ASIC2: variants seen among roughly 807,000 people sequenced by gnomAD.
The protein encoded by ASIC2 is acid sensing ion channel subunit 2, also known as acid-sensing ion channel 2.
ASIC2 carries 25 observed loss-of-function variants against 57.3 expected under a neutral mutation model. The observed-to-expected ratio is 0.44, with a 90% CI of 0.32 to 0.61. ASIC2 has a LOEUF of 0.61. Among genes scored for constraint, ASIC2 ranks in the 20% least tolerant of loss-of-function variants. ASIC2 has a pLI of 0.06. For synonymous variants in ASIC2, 319 were observed against 307.5 expected, an observed-to-expected ratio of 1.04 and a Z score of -0.39; for missense variants, 641 against 738.1, an observed-to-expected ratio of 0.87 and a Z score of 1.52.
chr17:34,000,466 T>A (rs1288181111), intron 1 of ASIC2, among the ~76,000 whole-genome samples: 1 of 152,136 alleles, frequency 6.6e-6, no homozygotes, highest in Non-Finnish European at 1.5e-5. Flanking sequence ...TTGGTCAGGC[T>A]GATCTCGAAC....
At chr17:33,187,650 A>G (rs1906248707) in intron 1 of ASIC2, among the ~76,000 whole-genome samples, 1 of 152,178 alleles carries the variant, frequency 6.6e-6, no homozygotes, top group South Asian at 2.1e-4. Flanking sequence ...AAAAGTTGCC[A>G]CAGACAATAT....
At position 33,428,084 on chromosome 17, in the gene ASIC2, C is replaced by A. The variant is rs1911279816; in HGVS notation, c.556-316017G>T. Among the ~76,000 whole-genome samples the A allele has an allele frequency of 1.3e-5, 2 of 152,202 alleles. 1 individual carries two copies. Among genetic ancestry groups the A allele is most frequent in the South Asian group, 4.1e-4 (2 of 4,828 alleles). Reference sequence around the variant, plus strand: ...TTCCAGCCTCCAGCTGACATCTTACCTGCAACCTCATAGGATACCCTGAGC... The same window carrying A: ...TTCCAGCCTCCAGCTGACATCTTACATGCAACCTCATAGGATACCCTGAGC... On this transcript the variant is annotated intron_variant, in intron 1 of 9. Transcript: ENST00000359872.
intron 1 of ASIC2, among the ~76,000 whole-genome samples, chr17:33,522,799 G>A (rs1444260037): frequency 1.3e-5 from 2 of 152,198 alleles, no homozygotes; most frequent in African/African-American, 4.8e-5. Flanking sequence ...ACACACGAGA[G>A]CGCCACCTCC....
chr17:33,722,793 A>G (rs558160866), intron 1 of ASIC2, among the ~76,000 whole-genome samples: 1 of 152,276 alleles, frequency 6.6e-6, no homozygotes, highest in Admixed American at 6.5e-5. Context: ...CAAAAAAAAG[A>G]TATCCAAAGC....
chr17:33,967,362 A>C (rs1905104716), intron 1 of ASIC2, among the ~76,000 whole-genome samples: 1 of 152,112 alleles, frequency 6.6e-6, no homozygotes, highest in Admixed American at 6.5e-5. Flanking sequence ...CAGCCTCCCA[A>C]GTAGCTAGAA....
At chr17:33,883,140 T>C (rs1013463186) in intron 1 of ASIC2, among the ~76,000 whole-genome samples, 1 of 152,182 alleles carries the variant, frequency 6.6e-6, no homozygotes, top group African/African-American at 2.4e-5. Flanking sequence ...ATATACCTAA[T>C]GCTGAATGAC....
At chr17:33,997,010 T>C (rs182661348) in intron 1 of ASIC2, among the ~76,000 whole-genome samples, 2 of 152,326 alleles carry the variant, frequency 1.3e-5, no homozygotes, top group South Asian at 2.1e-4. Context: ...TTCATTTATT[T>C]GTGTCTTCAG....
chr17:33,923,366 G>A (rs537564650), intron 1 of ASIC2, among the ~76,000 whole-genome samples: 1 of 152,262 alleles, frequency 6.6e-6, no homozygotes, highest in East Asian at 1.9e-4. Context: ...TGAAACTTAT[G>A]AACTAATATT....
At chr17:33,606,300 C>T (rs761492415) in intron 1 of ASIC2, among the ~76,000 whole-genome samples, 5 of 152,162 alleles carry the variant, frequency 3.3e-5, no homozygotes, top group Non-Finnish European at 7.3e-5. Context: ...CTTTTTAGAC[C>T]TCAGTTCCCA....
intron 1 of ASIC2, among the ~76,000 whole-genome samples, chr17:34,048,092 C>T (rs1908406766): frequency 1.3e-5 from 2 of 152,160 alleles, no homozygotes. Flanking sequence ...TGAACGGAAG[C>T]CCATCCATTG....
chr17:33,843,654 G>T (rs117710979), intron 1 of ASIC2, among the ~76,000 whole-genome samples: 2 of 152,342 alleles, frequency 1.3e-5, no homozygotes, highest in Non-Finnish European at 2.9e-5. Context: ...ATATCAGTCT[G>T]CAATAGCTCA....
rs561553220 is a variant in ASIC2 at position 33,837,165 on chromosome 17, G to A, written c.555+318813C>T. Reference sequence around the variant, plus strand: ...ATGTCAAGTCTTCTGATAAGTTTTCGTCTCTCCTTAGGTCTTTCAAATCCC... The same window carrying A: ...ATGTCAAGTCTTCTGATAAGTTTTCATCTCTCCTTAGGTCTTTCAAATCCC... On this transcript the variant is annotated intron_variant, in intron 1 of 9. Transcript: ENST00000359872. Among the ~76,000 whole-genome samples, 236 of 152,162 alleles carry A rather than the reference G, an allele frequency of 1.6e-3. 1 individual carries two copies. Among genetic ancestry groups the A allele is most frequent in the African/African-American group, 5.2e-3 (214 of 41,526 alleles).
At chr17:33,885,557 A>C (rs561609556) in intron 1 of ASIC2, among the ~76,000 whole-genome samples, 38 of 152,336 alleles carry the variant, frequency 2.5e-4, no homozygotes, top group African/African-American at 8.9e-4. Flanking sequence ...TACTTTGCAG[A>C]AGAAAAAAAT....
At chr17:34,117,917 A>C (rs1478348025) in intron 1 of ASIC2, among the ~76,000 whole-genome samples, 1 of 152,180 alleles carries the variant, frequency 6.6e-6, no homozygotes, top group East Asian at 1.9e-4. Context: ...AGGACATTAC[A>C]CTATCCAGTC....
chr17:33,413,118 G>A (rs1051009042), intron 1 of ASIC2, among the ~76,000 whole-genome samples: 5 of 152,132 alleles, frequency 3.3e-5, no homozygotes, highest in Non-Finnish European at 7.4e-5. Context: ...GGAGCATCAC[G>A]CTTTCCCCCG....
At chr17:33,255,165 G>A (rs1298216987) in intron 1 of ASIC2, among the ~76,000 whole-genome samples, 1 of 148,062 alleles carries the variant, frequency 6.8e-6, no homozygotes, top group African/African-American at 2.5e-5. Context: ...TCAGCCTCCC[G>A]AGTAGCTGGG....
chr17:33,212,123 T>A (rs1039450678), intron 1 of ASIC2, among the ~76,000 whole-genome samples: 1 of 152,232 alleles, frequency 6.6e-6, no homozygotes, highest in Non-Finnish European at 1.5e-5. Flanking sequence ...TTTGTTACTA[T>A]GAGTGGTAGG....
At chr17:33,949,626 C>A (rs932491981) in intron 1 of ASIC2, among the ~76,000 whole-genome samples, 1 of 152,086 alleles carries the variant, frequency 6.6e-6, no homozygotes, top group Non-Finnish European at 1.5e-5. Context: ...ACAAACCATG[C>A]GTCATGTCCT....
At chr17:33,200,754 C>T (rs1284626452) in intron 1 of ASIC2, among the ~76,000 whole-genome samples, 1 of 152,170 alleles carries the variant, frequency 6.6e-6, no homozygotes, top group Non-Finnish European at 1.5e-5. Flanking sequence ...AGTTTATTCC[C>T]AGCACAGCAG....
Sources: gnomAD v4.1 joint callset for allele counts (sites outside exome capture counted in the v4.1 genomes callset) on GRCh38, gnomAD v4.1.1 for gene constraint, MANE v1.5 for transcripts, NCBI Gene and HGNC (gene_info 2026-07-23, HGNC 2026-07-21) for gene names.